MTR: variants seen among roughly 807,000 people sequenced by gnomAD.
MTR encodes methionine synthase.
MTR carries 84 observed loss-of-function variants against 154.8 expected under a neutral mutation model. The ratio of observed to expected loss-of-function variants is 0.54; its 90% CI spans 0.45 to 0.65. The LOEUF (loss-of-function observed/expected upper bound fraction) is 0.65. MTR is among the 30% of genes least tolerant of loss of function. The pLI, the probability that MTR is intolerant of heterozygous loss-of-function variation, is 0.00. For synonymous variants in MTR, 554 were observed against 553.9 expected (o/e 1.00, Z 0.00); for missense variants, 1,275 against 1,570.2 (o/e 0.81, Z 3.18).
In MTR at chr1:236,849,836, C is replaced by T. The variant is rs552737427; in HGVS notation, c.1516-508C>T. 2.0e-5 allele frequency among the ~76,000 whole-genome samples: 3 copies of T among 152,242 alleles called. No homozygotes were observed. In the East Asian group the frequency reaches 5.8e-4, roughly 29 times the overall value. ...TGAAGGTGAGGAATAAATGCATATC[C>T]TTGAATATGCTTAGAATGTTTTTGC... On this transcript the variant is annotated intron_variant, in intron 15 of 32. Coordinates refer to ENST00000366577, the MANE Select transcript of MTR (RefSeq NM_000254.3).
At chr1:236,853,256 A>G (rs2103256556) in intron 18 of MTR, among the ~76,000 whole-genome samples, 168 bp downstream of exon 18, 1 of 152,360 alleles carries the variant, frequency 6.6e-6, no homozygotes, top group East Asian at 1.9e-4. Flanking sequence ...AGCTAGGGCA[A>G]GGAAGGGTAA....
chr1:236,840,378 G>A (rs1255443470), intron 15 of MTR, among the ~76,000 whole-genome samples: 1 of 152,176 alleles, frequency 6.6e-6, no homozygotes, highest in Non-Finnish European at 1.5e-5. Context: ...AGGACTTGGC[G>A]GTTGTCACAC....
At chr1:236,873,683 G>T (rs112020797) in intron 22 of MTR, 90 bp from the exon 23 acceptor site, 1 of 1,040,566 alleles carries the variant, frequency 9.6e-7, no homozygotes, top group Non-Finnish European at 1.5e-6. Flanking sequence ...CATTAGAGCA[G>T]TATTTAATGG....
chr1:236,844,481 T>A (rs1312238173), intron 15 of MTR, among the ~76,000 whole-genome samples: 1 of 145,882 alleles, frequency 6.9e-6, no homozygotes, highest in African/African-American at 2.5e-5. Flanking sequence ...TGTGTGTGTG[T>A]GTGTGTGTGT....
At chr1:236,870,258 A>G (rs1665051432) in intron 22 of MTR, among the ~76,000 whole-genome samples, 2 of 152,190 alleles carry the variant, frequency 1.3e-5, no homozygotes, top group Non-Finnish European at 2.9e-5. Context: ...TTAGCTGGAA[A>G]TTGAACTTGT....
At chr1:236,812,025 C>T (rs1018958313) in intron 5 of MTR, among the ~76,000 whole-genome samples, 7 of 152,160 alleles carry the variant, frequency 4.6e-5, no homozygotes, top group African/African-American at 9.7e-5. Context: ...GGGCTACAGG[C>T]GTGTGCCATC....
chr1:236,874,709 A>T lies in MTR; in HGVS notation c.2474-17A>T, dbSNP rs571901048. The T allele has an allele frequency of 6.6e-3, 4,886 of 744,834 alleles. 8 individuals are homozygous for T. The highest frequency in any genetic ancestry group is 7.6e-3 in the African/African-American group (398 of 52,228). The allele number at this position is 744,834 out of a possible 1,614,324, so 46.1% of individuals were successfully genotyped here. Reference sequence around the variant, plus strand: ...CTGTCCTTTTTGTCCTTTTTTTTTTAAAAAAAAAAAAAATAGATATAATTG... The same window carrying T: ...CTGTCCTTTTTGTCCTTTTTTTTTTTAAAAAAAAAAAAATAGATATAATTG... On this transcript the variant is annotated splice_polypyrimidine_tract_variant and intron_variant, in intron 23 of 32. Coordinates refer to ENST00000366577, the MANE Select transcript of MTR (RefSeq NM_000254.3).
intron 27 of MTR, among the ~76,000 whole-genome samples, chr1:236,887,125 TTAA>T (rs1242048175): frequency 6.6e-6 from 1 of 152,224 alleles, no homozygotes; most frequent in East Asian, 1.9e-4. Context: ...AGGGGTTATA[TTAA>T]TTGAATCCAT....
At chr1:236,859,992 G>A in intron 19 of MTR, 70 bp downstream of exon 19, 1 of 1,386,954 alleles carries the variant, frequency 7.2e-7, no homozygotes, top group East Asian at 2.4e-5. Flanking sequence ...TGTGGGCGGT[G>A]TGACAGTAGC....
chr1:236,872,515 CT>C, intron 22 of MTR, among the ~76,000 whole-genome samples: 1 of 152,254 alleles, frequency 6.6e-6, no homozygotes, highest in South Asian at 2.1e-4. Flanking sequence ...TTCCCTAGCC[CT>C]TTTTATTGGC....
Position 236,899,798 on chromosome 1 carries a change from A to C in MTR, c.*2154A>C, listed in dbSNP as rs565374885. The C allele has an allele frequency of 6.6e-6, 1 of 152,438 alleles. No homozygotes were observed. The highest frequency in any genetic ancestry group is 2.1e-4 in the South Asian group (1 of 4,832). 9.4% of individuals were successfully genotyped at this position (152,438 alleles called of 1,614,324 possible). ...ATTTAAAAAAATAGAAAAATAGTGA[A>C]GACTACACAAGAGGAAATAGGGCTT... On this transcript the variant is annotated 3_prime_UTR_variant, in exon 33 of 33. Transcript: ENST00000366577.
chr1:236,815,770 A>G, intron 7 of MTR, 107 bp downstream of exon 7: 1 of 1,080,746 alleles, frequency 9.3e-7, no homozygotes, highest in Non-Finnish European at 1.4e-6. Context: ...TATCTTTAGA[A>G]CTCATCTACT....
In MTR at chr1:236,832,049, GCTAAACT is replaced by G. The variant is rs1331219168; in HGVS notation, c.1161_1167del (p.Lys388SerfsTer33). The G allele has an allele frequency of 6.2e-7, 1 of 1,614,054 alleles. No homozygotes were observed. Among genetic ancestry groups the G allele is most frequent in the Non-Finnish European group, 8.5e-7 (1 of 1,179,930 alleles). On this transcript the variant is annotated frameshift_variant, in exon 13 of 33. Coordinates refer to ENST00000366577, the MANE Select transcript of MTR (RefSeq NM_000254.3). LOFTEE classifies it high-confidence loss of function. ...TAATGTTGCAGGATCAAGGAAGTTT[GCTAAACT>G]CATCATGGCAGGAAACTATGAAGTG...
In MTR at chr1:236,810,600, GTATT is replaced by G; in HGVS notation, c.502+8_502+11del. 1 of 1,606,806 alleles carries G rather than the reference GTATT, an allele frequency of 6.2e-7. No individual in the cohort carries two copies. The highest frequency in any genetic ancestry group is 8.5e-7 in the Non-Finnish European group (1 of 1,173,546). ...GGCCGGATTATAGGAACATCAGTGAGTATTTACCACATATAATCATTGATCTTGG... is the reference window on the plus strand; with the variant it reads ...GGCCGGATTATAGGAACATCAGTGAGTACCACATATAATCATTGATCTTGG... On this transcript the variant is annotated splice_donor_region_variant and intron_variant, in intron 5 of 32. Transcript: ENST00000366577.
chr1:236,836,617 T>C (rs1310799846), intron 14 of MTR, among the ~76,000 whole-genome samples: 1 of 152,190 alleles, frequency 6.6e-6, no homozygotes, highest in African/African-American at 2.4e-5. Flanking sequence ...GAGCTCTTGG[T>C]TTTTTTATTA....
At chr1:236,806,100 G>T in intron 2 of MTR, 44 bp from the exon 3 acceptor site, 1 of 1,535,584 alleles carries the variant, frequency 6.5e-7, no homozygotes. Flanking sequence ...GGGGGCACAA[G>T]AAACTCTAAA....
intron 31 of MTR, among the ~76,000 whole-genome samples, chr1:236,896,269 C>CA (rs1397558175): frequency 6.6e-6 from 1 of 152,176 alleles, no homozygotes; most frequent in Non-Finnish European, 1.5e-5. Context: ...GCTAAGCTCA[C>CA]AGTTTTCAGC....
chr1:236,870,419 A>G (rs1050721493), intron 22 of MTR, among the ~76,000 whole-genome samples: 1 of 152,126 alleles, frequency 6.6e-6, no homozygotes, highest in African/African-American at 2.4e-5. Context: ...CTCTGTCTTC[A>G]CTGTCTAGAT....
rs1666752378 is a variant in MTR, at chr1:236,897,840, T to G, written c.*196T>G. 3.3e-6 allele frequency: 2 copies of G among 599,340 alleles called. No individual in the cohort carries two copies. The highest frequency in any genetic ancestry group is 5.9e-6 in the Non-Finnish European group (2 of 341,864). The allele number at this position is 599,340 out of a possible 1,614,324, so 37.1% of individuals were successfully genotyped here. On this transcript the variant is annotated 3_prime_UTR_variant, in exon 33 of 33. Transcript: ENST00000366577. ...TGCAGTGCCTGGAAAACAGGCGCTG[T>G]TTTTTTGGGACCTTGCGTGAAGAGC...
Sources: allele counts gnomAD v4.1 joint callset (sites outside exome capture counted in the v4.1 genomes callset), GRCh38; gene constraint gnomAD v4.1.1; transcripts MANE v1.5; gene names NCBI Gene and HGNC (gene_info 2026-07-23, HGNC 2026-07-21).